SUN1: variants seen among roughly 807,000 people sequenced by gnomAD.
SUN1 encodes Sad1 and UNC84 domain containing 1.
Under a neutral mutation model 103.2 loss-of-function variants are expected in SUN1, and 61 were observed. That is an observed-to-expected ratio of 0.59 (90% CI 0.48 to 0.73). The LOEUF (loss-of-function observed/expected upper bound fraction) is 0.73. SUN1 is among the 30% of genes least tolerant of loss of function. SUN1 has a pLI of 0.00. For synonymous variants in SUN1, 490 were observed against 425.7 expected, an observed-to-expected ratio of 1.15 and a Z score of -1.86; for missense variants, 1,052 against 1,034.6, an observed-to-expected ratio of 1.02 and a Z score of -0.23.
At chr7:835,563 C>G (rs1584347541) in intron 1 of SUN1, among the ~76,000 whole-genome samples, 1 of 152,148 alleles carries the variant, frequency 6.6e-6, no homozygotes, top group Admixed American at 6.5e-5. Context: ...AAATCTCAAT[C>G]TGTAATTCTT....
chr7:843,605 A>G lies in SUN1; in HGVS notation c.658+85A>G, dbSNP rs750110743. ...TTCTGTAAGTCTCAGTGTCTGCACT[A>G]TTTGTCTTGGAGACTTAAAATTATC... On this transcript the variant is annotated intron_variant, in intron 5 of 18. Coordinates refer to ENST00000401592, the MANE Select transcript of SUN1 (RefSeq NM_001130965.3). The G allele has an allele frequency of 3.0e-5, 48 of 1,611,256 alleles. 1 individual carries two copies. The South Asian group carries it at 5.3e-4, about 18-fold the overall frequency.
chr7:843,514 C>A lies in SUN1; in HGVS notation c.652C>A (p.Gln218Lys), dbSNP rs770167481. The change falls in exon 5 of 19, where the codon CAA (glutamine) becomes AAA (lysine). Residue 218 changes from glutamine (Q) to lysine (K), a missense_variant. This residue lies in a region of SUN1 where 846 missense variants were observed against 774.5 expected (regional missense o/e 1.09). Coordinates refer to ENST00000401592, the MANE Select transcript of SUN1 (RefSeq NM_001130965.3). The stretch of plus-strand genomic sequence containing the variant: ...GAGAGTTTATTCTAGGGACAGGAAT[C>A]AAAAATGTAAGTCTCAGTCCTTTAA... Reference protein sequence around the residue: ...VSRVYSRDRNQKCYFLLQILR... With the variant: ...VSRVYSRDRNKKCYFLLQILR... The A allele has an allele frequency of 1.6e-5, 26 of 1,613,924 alleles. 1 individual carries two copies. The highest frequency in any genetic ancestry group is 2.1e-5 in the Non-Finnish European group (25 of 1,179,908).
intron 5 of SUN1, among the ~76,000 whole-genome samples, chr7:847,251 C>T (rs1266262881): frequency 4.0e-5 from 6 of 151,336 alleles, no homozygotes; most frequent in African/African-American, 7.3e-5. Context: ...GTCCAGTCTC[C>T]GGGGTCCCCT....
rs1329817920 is a variant in SUN1, at chr7:851,382, A to G, written c.659-2A>G. 16 of 1,596,328 alleles carry G rather than the reference A, an allele frequency of 1.0e-5. No individual in the cohort carries two copies. The highest frequency in any genetic ancestry group is 1.4e-5 in the Non-Finnish European group (16 of 1,171,370). ...GAGGCCACACACGTCTTCCCTGCACAGGTTACTTCTTGCTGCAGATTCTGC... is the reference window on the plus strand; with the variant it reads ...GAGGCCACACACGTCTTCCCTGCACGGGTTACTTCTTGCTGCAGATTCTGC... On this transcript the variant is annotated splice_acceptor_variant, in intron 5 of 18. Transcript: ENST00000401592. LOFTEE classifies it high-confidence loss of function.
intron 12 of SUN1, among the ~76,000 whole-genome samples, chr7:857,505 TAA>T (rs1048889788): frequency 1.3e-5 from 2 of 152,170 alleles, no homozygotes; most frequent in Admixed American, 6.5e-5. Flanking sequence ...AGTCCAGAAA[TAA>T]AGTTTCTAAA....
At chr7:857,165 G>C (rs965826245) in intron 12 of SUN1, among the ~76,000 whole-genome samples, 3 of 152,158 alleles carry the variant, frequency 2.0e-5, no homozygotes, top group Non-Finnish European at 4.4e-5. Context: ...CCCGCCTGTA[G>C]ATTCGGCAGC....
intron 2 of SUN1, among the ~76,000 whole-genome samples, chr7:840,307 C>T (rs1049355223): frequency 6.6e-6 from 1 of 152,200 alleles, no homozygotes; most frequent in African/African-American, 2.4e-5. Flanking sequence ...CAGCAGATCC[C>T]ATTGGGTAGC....
Position 848,737 on chromosome 7 carries a change from C to G in SUN1, c.659-2647C>G, listed in dbSNP as rs529584202. 1.4e-5 allele frequency: 8 copies of G among 553,060 alleles called. No homozygotes were observed. In the East Asian group the frequency reaches 4.0e-4, roughly 27 times the overall value. The allele number at this position is 553,060 out of a possible 1,614,324, so 34.3% of individuals were successfully genotyped here. A position where few individuals can be genotyped will look rare whatever the true frequency, so the allele number is the denominator to read the frequency against. On this transcript the variant is annotated intron_variant, in intron 5 of 18. Transcript: ENST00000401592. Reference sequence around the variant, plus strand: ...TCCTCCTGTGGTCTTGGTGCTGGCTCTCTCCTGGCTTCCCCCTCTGGATCT... The same window carrying G: ...TCCTCCTGTGGTCTTGGTGCTGGCTGTCTCCTGGCTTCCCCCTCTGGATCT...
rs1450152132 is a variant in SUN1, at chr7:861,571, A to C, written c.1864+107A>C. 5 of 1,031,476 alleles carry C rather than the reference A, an allele frequency of 4.8e-6. No homozygotes were observed. The African/African-American group carries it at 7.9e-5, about 16-fold the overall frequency. 63.9% of individuals were successfully genotyped at this position (1,031,476 alleles called of 1,614,324 possible). On this transcript the variant is annotated intron_variant, in intron 15 of 18. Coordinates refer to ENST00000401592, the MANE Select transcript of SUN1 (RefSeq NM_001130965.3). The stretch of plus-strand genomic sequence containing the variant: ...CCACTTCCAGCAGTAAGGACTCCTA[A>C]CTTTTAAACATCTGAGAAAGGGAGC...
At chr7:863,374 T>TCACCAGCGCCAGG (rs1833858552) in intron 15 of SUN1, among the ~76,000 whole-genome samples, 3 of 152,032 alleles carry the variant, frequency 2.0e-5, no homozygotes, top group Non-Finnish European at 2.9e-5. Context: ...TGCCCGGGGT[T>TCACCAGCGCCAGG]GTGTGCTGCC....
chr7:856,954 C>A (rs960118988), intron 12 of SUN1, among the ~76,000 whole-genome samples: 4 of 152,190 alleles, frequency 2.6e-5, no homozygotes, highest in African/African-American at 9.7e-5. Flanking sequence ...CCCTTGGAAT[C>A]CATGGCACAG....
chr7:856,671 G>T (rs545976247), intron 12 of SUN1, among the ~76,000 whole-genome samples: 1 of 152,190 alleles, frequency 6.6e-6, no homozygotes, highest in Non-Finnish European at 1.5e-5. Context: ...TGACCCGGAG[G>T]GCTTCATCTC....
At chr7:864,180 T>A (rs949819111) in intron 15 of SUN1, among the ~76,000 whole-genome samples, 5 of 152,048 alleles carry the variant, frequency 3.3e-5, no homozygotes, top group African/African-American at 1.2e-4. Flanking sequence ...AAGTACATCA[T>A]GAAAAATGGG....
intron 5 of SUN1, among the ~76,000 whole-genome samples, chr7:849,217 G>C (rs1438794214): frequency 6.6e-6 from 1 of 152,246 alleles, no homozygotes; most frequent in African/African-American, 2.4e-5. Flanking sequence ...AGCCTCCCAA[G>C]TGCTGGGATT....
rs1473899213 is a variant in SUN1 at position 860,256 on chromosome 7, G to T, written c.1653G>T (p.Leu551=). The T allele has an allele frequency of 1.9e-6, 3 of 1,614,250 alleles. No homozygotes were observed. Among genetic ancestry groups the T allele is most frequent in the South Asian group, 1.1e-5 (1 of 91,092 alleles). The change falls in exon 14 of 19, where the codon CTG becomes CTT. Residue 551 remains leucine (L), a synonymous_variant. Coordinates refer to ENST00000401592, the MANE Select transcript of SUN1 (RefSeq NM_001130965.3). ...GCAAAGGCGACTTGCAGACGATGCT[G>T]CGAGACCTGCAGCTGCAGATCCTGC... ...FVSKGDLQTM[L]RDLQLQILRN...
intron 1 of SUN1, among the ~76,000 whole-genome samples, chr7:835,861 G>T (rs1222504315): frequency 1.3e-5 from 2 of 152,234 alleles, no homozygotes; most frequent in Non-Finnish European, 2.9e-5. Flanking sequence ...TCAGATCCAG[G>T]GGGGCTGGAG....
upstream of SUN1, among the ~76,000 whole-genome samples, chr7:829,118 G>T (rs1328479064): frequency 6.6e-6 from 1 of 152,240 alleles, no homozygotes; most frequent in East Asian, 1.9e-4. Context: ...GTCAACTTCA[G>T]ATTCTTTCCA....
chr7:856,568 C>CA (rs1021452220), intron 12 of SUN1, among the ~76,000 whole-genome samples, 167 bp downstream of exon 12: 4 of 152,156 alleles, frequency 2.6e-5, no homozygotes, highest in African/African-American at 9.7e-5. Context: ...TGCGTGAGGA[C>CA]AGAGGGGTCC....
chr7:870,088 C>T (rs898429861), intron 17 of SUN1, among the ~76,000 whole-genome samples: 1 of 150,818 alleles, frequency 6.6e-6, no homozygotes, highest in African/African-American at 2.4e-5. Context: ...CGCCTGTAAT[C>T]CCAGATACCT....
Sources: gnomAD v4.1 joint callset for allele counts (sites outside exome capture counted in the v4.1 genomes callset) on GRCh38, gnomAD v4.1.1 for gene constraint, gnomAD v4.1.1 regional missense constraint, MANE v1.5 for transcripts, NCBI Gene and HGNC (gene_info 2026-07-23, HGNC 2026-07-21) for gene names.